CNKSR2: variants seen among roughly 807,000 people sequenced by gnomAD.
The protein encoded by CNKSR2 is CNK homolog protein 2.
CNKSR2 carries 14 observed loss-of-function variants against 84.4 expected under a neutral mutation model. That is an observed-to-expected ratio of 0.17 (90% CI 0.11 to 0.26). The LOEUF (loss-of-function observed/expected upper bound fraction) is 0.26. Among genes scored for constraint, CNKSR2 ranks in the 10% least tolerant of loss-of-function variants. The probability of loss-of-function intolerance (pLI) is 1.00; values close to 1 mark genes in which losing one functional copy is unlikely to be tolerated. For missense variants in CNKSR2, 485 were observed against 771.2 expected, an observed-to-expected ratio of 0.63 and a Z score of 4.40; for synonymous variants, 275 against 277.9, an observed-to-expected ratio of 0.99 and a Z score of 0.10.
At chrX:21,391,692 C>A (rs1412822291) in intron 1 of CNKSR2, among the ~76,000 whole-genome samples, 1 of 112,237 alleles carries the variant, frequency 8.9e-6, no homozygotes, top group Non-Finnish European at 1.9e-5. Flanking sequence ...TCCTCATTGT[C>A]TTGGCTATTA....
chrX:21,395,873 A>G (rs1327959531), intron 1 of CNKSR2, among the ~76,000 whole-genome samples: 1 of 111,604 alleles, frequency 9.0e-6, no homozygotes, highest in Non-Finnish European at 1.9e-5. Context: ...TGTGCTTTAC[A>G]CAAAGATTTG....
At position 21,466,217 on chromosome X, in the gene CNKSR2, A is replaced by G. The variant is rs186776194; in HGVS notation, c.520-4549A>G. Among the ~76,000 whole-genome samples, 306 of 111,896 alleles carry G rather than the reference A, an allele frequency of 2.7e-3. 4 individuals carry two copies. Among genetic ancestry groups the G allele is most frequent in the African/African-American group, 9.3e-3 (287 of 30,869 alleles). The stretch of plus-strand genomic sequence containing the variant: ...AAACTAAATTTAATTCTAACCTAAA[A>G]ATAACTGGAATGTCAGAGGTGTACC... On this transcript the variant is annotated intron_variant, in intron 4 of 21. Coordinates refer to ENST00000379510, the MANE Select transcript of CNKSR2 (RefSeq NM_014927.5).
At chrX:21,517,092 C>T (rs1294534699) in intron 9 of CNKSR2, among the ~76,000 whole-genome samples, 1 of 111,014 alleles carries the variant, frequency 9.0e-6, no homozygotes, top group Non-Finnish European at 1.9e-5. Context: ...AATTAAAATG[C>T]ACCTAGTCCA....
At chrX:21,530,888 G>T (rs1353946133) in intron 10 of CNKSR2, among the ~76,000 whole-genome samples, 1 of 110,231 alleles carries the variant, frequency 9.1e-6, no homozygotes, top group East Asian at 2.9e-4. Flanking sequence ...TGAGTAATAG[G>T]TTTTAGGGAG....
At chrX:21,480,742 A>T (rs1382425695) in intron 5 of CNKSR2, among the ~76,000 whole-genome samples, 3 of 111,712 alleles carry the variant, frequency 2.7e-5, no homozygotes, top group Non-Finnish European at 5.7e-5. Context: ...TCATGGGTGA[A>T]CTTCTTACTC....
intron 20 of CNKSR2, among the ~76,000 whole-genome samples, chrX:21,621,012 T>C (rs1180756299): frequency 1.8e-5 from 2 of 111,513 alleles, no homozygotes; most frequent in Non-Finnish European, 3.8e-5. Context: ...TCTTGCCCTT[T>C]GCTCTCACCA....
rs532574999 is a variant in CNKSR2 at position 21,451,795 on chromosome X, G to A, written c.519+11014G>A. On this transcript the variant is annotated intron_variant, in intron 4 of 21. Transcript: ENST00000379510. Reference sequence around the variant, plus strand: ...GCACATCAGCATGGCACATGTATACGTATGTAACTAACCTGCACATTGTGC... The same window carrying A: ...GCACATCAGCATGGCACATGTATACATATGTAACTAACCTGCACATTGTGC... 7.0e-3 allele frequency among the ~76,000 whole-genome samples: 757 copies of A among 108,056 alleles called. 10 individuals are homozygous for A. Among genetic ancestry groups the A allele is most frequent in the Middle Eastern group, 0.023 (5 of 213 alleles). 93.8% of individuals were successfully genotyped at this position (108,056 alleles called of 115,157 possible).
intron 3 of CNKSR2, among the ~76,000 whole-genome samples, chrX:21,438,825 T>G (rs1271560350): frequency 9.0e-6 from 1 of 111,347 alleles, no homozygotes; most frequent in African/African-American, 3.3e-5. Flanking sequence ...ATATTCATAT[T>G]GATAAAAAAC....
intron 11 of CNKSR2, among the ~76,000 whole-genome samples, chrX:21,552,494 G>A (rs2092102311): frequency 9.0e-6 from 1 of 111,664 alleles, no homozygotes; most frequent in Admixed American, 9.6e-5. Flanking sequence ...AAAGACTTTT[G>A]CAGCTCTTCT....
intron 1 of CNKSR2, among the ~76,000 whole-genome samples, chrX:21,401,275 G>A (rs2090187586): frequency 9.0e-6 from 1 of 110,807 alleles, no homozygotes; most frequent in Non-Finnish European, 1.9e-5. Flanking sequence ...AGGGTAGATA[G>A]CAACCTTTTG....
chrX:21,550,757 C>T (rs772474328), intron 11 of CNKSR2, among the ~76,000 whole-genome samples: 36 of 111,044 alleles, frequency 3.2e-4, no homozygotes, highest in Non-Finnish European at 5.1e-4. Context: ...ATGAGTTTGC[C>T]GGGCACAGGG....
intron 9 of CNKSR2, among the ~76,000 whole-genome samples, chrX:21,523,754 G>A: frequency 9.1e-6 from 1 of 110,419 alleles, no homozygotes; most frequent in Non-Finnish European, 1.9e-5. Context: ...TATTTTTAAT[G>A]CCACTTGTTA....
chrX:21,485,570 A>T (rs1472676151), intron 5 of CNKSR2, among the ~76,000 whole-genome samples: 5 of 110,814 alleles, frequency 4.5e-5, no homozygotes, highest in Admixed American at 9.7e-5. Flanking sequence ...ATTAATATAA[A>T]CTACCTGAGA....
intron 1 of CNKSR2, among the ~76,000 whole-genome samples, chrX:21,410,180 G>T (rs1438855126): frequency 9.1e-6 from 1 of 110,102 alleles, no homozygotes; most frequent in Non-Finnish European, 1.9e-5. Flanking sequence ...TTTGGAGCTT[G>T]TTAGAAATAC....
chrX:21,423,484 A>G (rs1569159893), intron 1 of CNKSR2: 1 of 112,188 alleles, frequency 8.9e-6, no homozygotes, highest in Non-Finnish European at 1.9e-5. Flanking sequence ...ATAAGTTAGG[A>G]CAGAGTAAAT....
intron 20 of CNKSR2, chrX:21,645,781 G>C (rs1319208253): frequency 9.0e-6 from 1 of 111,627 alleles, no homozygotes; most frequent in African/African-American, 3.3e-5. Context: ...AGGGCAAAAA[G>C]AGAAGAAAAT....
At chrX:21,515,943 T>C (rs2091724209) in intron 8 of CNKSR2, among the ~76,000 whole-genome samples, 1 of 111,824 alleles carries the variant, frequency 8.9e-6, no homozygotes, top group South Asian at 3.7e-4. Flanking sequence ...AAAAGGTTTA[T>C]TGTATTGCTG....
At chrX:21,652,057 A>G (rs1009960871) in intron 21 of CNKSR2, among the ~76,000 whole-genome samples, 3 of 111,695 alleles carry the variant, frequency 2.7e-5, no homozygotes, top group Non-Finnish European at 5.6e-5. Context: ...AGAACGAAAA[A>G]GGTTTCCATA....
At chrX:21,401,124 T>G (rs942160345) in intron 1 of CNKSR2, among the ~76,000 whole-genome samples, 3 of 111,165 alleles carry the variant, frequency 2.7e-5, no homozygotes, top group African/African-American at 9.8e-5. Flanking sequence ...AGGATTTCTA[T>G]TATAAGCCAG....
Sources: allele counts gnomAD v4.1 joint callset (sites outside exome capture counted in the v4.1 genomes callset), GRCh38; gene constraint gnomAD v4.1.1; transcripts MANE v1.5; gene names NCBI Gene and HGNC (gene_info 2026-07-23, HGNC 2026-07-21).